The following JMJD1C variants were observed in gnomAD, a reference collection of about 807,000 sequenced individuals.
JMJD1C encodes jumonji domain containing 1C, also known as jumonji domain-containing protein 1C.
JMJD1C carries 31 observed loss-of-function variants against 245.3 expected under a neutral mutation model. The observed-to-expected ratio is 0.13, with a 90% CI of 0.09 to 0.17. The LOEUF (loss-of-function observed/expected upper bound fraction) is 0.17. JMJD1C is among the 10% of genes least tolerant of loss of function. JMJD1C has a pLI of 1.00. For synonymous variants in JMJD1C, 1,057 were observed against 1,017.4 expected, an observed-to-expected ratio of 1.04 and a Z score of -0.74; for missense variants, 2,691 against 3,000.2, an observed-to-expected ratio of 0.90 and a Z score of 2.41.
At chr10:63,454,259 T>G (rs966223067) in intron 1 of JMJD1C, among the ~76,000 whole-genome samples, 1 of 147,580 alleles carries the variant, frequency 6.8e-6, no homozygotes, top group Non-Finnish European at 1.5e-5. Context: ...AGAAATTGAT[T>G]TTTTTTTTTT....
intron 1 of JMJD1C, among the ~76,000 whole-genome samples, chr10:63,423,525 T>C (rs994992146): frequency 1.3e-5 from 2 of 152,250 alleles, no homozygotes; most frequent in African/African-American, 4.8e-5. Flanking sequence ...CTGTATTATA[T>C]AGCCACCTCA....
intron 1 of JMJD1C, among the ~76,000 whole-genome samples, chr10:63,464,081 C>T (rs1217030143): frequency 6.6e-6 from 1 of 152,062 alleles, no homozygotes; most frequent in Non-Finnish European, 1.5e-5. Flanking sequence ...TTACCTCAGC[C>T]TTTTACACAA....
chr10:63,190,711 GA>G (rs1269609185), intron 17 of JMJD1C, among the ~76,000 whole-genome samples, 182 bp downstream of exon 17: 1 of 151,864 alleles, frequency 6.6e-6, no homozygotes, highest in Admixed American at 6.6e-5. Flanking sequence ...TTTCACCTTG[GA>G]AAAAAAGACA....
At chr10:63,314,352 G>A (rs957469143) in intron 2 of JMJD1C, among the ~76,000 whole-genome samples, 7 of 152,222 alleles carry the variant, frequency 4.6e-5, no homozygotes, top group African/African-American at 1.7e-4. Context: ...TTGAGTCCAG[G>A]AGTTCAAGAC....
At chr10:63,386,093 G>GAC (rs147951202) in intron 1 of JMJD1C, among the ~76,000 whole-genome samples, 6,430 of 150,134 alleles carry the variant, frequency 0.043, 351 homozygotes, top group East Asian at 0.28. Context: ...CACATACACA[G>GAC]ACACACACAC....
At chr10:63,298,674 C>T (rs1859713545) in intron 2 of JMJD1C, among the ~76,000 whole-genome samples, 1 of 152,104 alleles carries the variant, frequency 6.6e-6, no homozygotes, top group Non-Finnish European at 1.5e-5. Context: ...CATTTCAACC[C>T]GTAACATATC....
At chr10:63,245,876 G>A (rs1365053576) in intron 3 of JMJD1C, among the ~76,000 whole-genome samples, 9 of 152,164 alleles carry the variant, frequency 5.9e-5, no homozygotes, top group East Asian at 3.9e-4. Context: ...CTCCCACTGG[G>A]ACCCTCCCAG....
chr10:63,241,019 CTT>C (rs1414256116), intron 3 of JMJD1C, among the ~76,000 whole-genome samples: 1 of 152,120 alleles, frequency 6.6e-6, no homozygotes, highest in African/African-American at 2.4e-5. Context: ...CTATGATACT[CTT>C]ATCATTCCTG....
intron 2 of JMJD1C, among the ~76,000 whole-genome samples, chr10:63,363,149 T>C (rs937585750): frequency 6.6e-6 from 1 of 152,132 alleles, no homozygotes; most frequent in African/African-American, 2.4e-5. Flanking sequence ...ACCTCTACTG[T>C]TCATATTCTT....
rs1266357670 is a variant in JMJD1C at position 63,375,763 on chromosome 10, C to A, written c.333+4555G>T. 2.0e-5 allele frequency among the ~76,000 whole-genome samples: 3 copies of A among 152,022 alleles called. No homozygotes were observed. The East Asian group carries it at 5.8e-4, about 29-fold the overall frequency. On this transcript the variant is annotated intron_variant, in intron 2 of 25. Coordinates refer to ENST00000399262, the MANE Select transcript of JMJD1C (RefSeq NM_032776.3). ...AGAGAAGGGGGCTCGCTGCATTGTT[C>A]AGCCTGGTGTTGAGCTCCTGGCCTC...
At chr10:63,360,254 G>A (rs1945212125) in intron 2 of JMJD1C, among the ~76,000 whole-genome samples, 1 of 152,062 alleles carries the variant, frequency 6.6e-6, no homozygotes, top group African/African-American at 2.4e-5. Context: ...ACAGCTACTT[G>A]GGAGGCTGAG....
At chr10:63,197,362 T>C (rs752986747) in intron 13 of JMJD1C, 49 bp downstream of exon 13, 236 of 1,488,872 alleles carry the variant, frequency 1.6e-4, no homozygotes, top group Non-Finnish European at 1.1e-4. Context: ...AGAGTGATCC[T>C]AAAGAAAAAT....
chr10:63,291,333 A>C (rs12251458), intron 2 of JMJD1C, among the ~76,000 whole-genome samples: 104 of 92,214 alleles, frequency 1.1e-3, no homozygotes, highest in Non-Finnish European at 1.8e-3. Context: ...AAAAAAAAAA[A>C]GGGCTGGGCG....
At chr10:63,261,122 C>T (rs1209804319) in intron 3 of JMJD1C, among the ~76,000 whole-genome samples, 1 of 152,066 alleles carries the variant, frequency 6.6e-6, no homozygotes, top group Non-Finnish European at 1.5e-5. Context: ...AGACACTTAA[C>T]AATATCGAGG....
In JMJD1C at chr10:63,186,137, A is replaced by G. The variant is rs183407597; in HGVS notation, c.6739+78T>C. Reference sequence around the variant, plus strand: ...TAAAACAGATGTTTCAAAGACTAAAAATCTGTTAAGTTACATTTGGAATTT... The same window carrying G: ...TAAAACAGATGTTTCAAAGACTAAAGATCTGTTAAGTTACATTTGGAATTT... On this transcript the variant is annotated intron_variant, in intron 19 of 25. Coordinates refer to ENST00000399262, the MANE Select transcript of JMJD1C (RefSeq NM_032776.3). 4.2e-4 allele frequency: 479 copies of G among 1,147,678 alleles called. 3 individuals carry two copies. The East Asian group carries it at 8.6e-3, about 21-fold the overall frequency. 71.1% of individuals were successfully genotyped at this position (1,147,678 alleles called of 1,614,324 possible). A position where few individuals can be genotyped will look rare whatever the true frequency, so the allele number is the denominator to read the frequency against.
rs766418318 is a variant in JMJD1C, at chr10:63,208,820, A to G, written c.2868-19T>C. On this transcript the variant is annotated intron_variant, in intron 9 of 25. Coordinates refer to ENST00000399262, the MANE Select transcript of JMJD1C (RefSeq NM_032776.3). ...TAATTCTCTGTAAAGAAAATACACA[A>G]ATATTTCTGTAACCACTTTTTCCTG... is the stretch of plus-strand genomic sequence containing the variant. The G allele has an allele frequency of 1.9e-6, 3 of 1,539,254 alleles. No individual in the cohort carries two copies. Among genetic ancestry groups the G allele is most frequent in the East Asian group, 2.3e-5 (1 of 44,298 alleles).
At chr10:63,505,877 A>G (rs1954703348) in intron 1 of JMJD1C, among the ~76,000 whole-genome samples, 1 of 142,886 alleles carries the variant, frequency 7.0e-6, no homozygotes, top group South Asian at 2.4e-4. Context: ...ATAAAGTCTT[A>G]CAGGTGGGAT....
chr10:63,385,175 G>C (rs1420360984), intron 1 of JMJD1C, among the ~76,000 whole-genome samples: 2 of 152,098 alleles, frequency 1.3e-5, no homozygotes, highest in African/African-American at 2.4e-5. Context: ...GATTAAGTTT[G>C]CCTTCTTATA....
intron 3 of JMJD1C, among the ~76,000 whole-genome samples, chr10:63,239,650 T>C (rs991093775): frequency 2.6e-5 from 4 of 152,188 alleles, no homozygotes; most frequent in Non-Finnish European, 5.9e-5. Flanking sequence ...TTTGCCATGT[T>C]GGCCAGGATG....
Sources: allele counts gnomAD v4.1 joint callset (sites outside exome capture counted in the v4.1 genomes callset), GRCh38; gene constraint gnomAD v4.1.1; transcripts MANE v1.5; gene names NCBI Gene and HGNC (gene_info 2026-07-23, HGNC 2026-07-21).